Variants in PPM1L observed in about 807,000 individuals in gnomAD.
PPM1L encodes the protein protein phosphatase, Mg2+/Mn2+ dependent 1L, also known as protein phosphatase 1L.
Under a neutral mutation model 31.4 loss-of-function variants are expected in PPM1L, and 13 were observed. That is an observed-to-expected ratio of 0.41 (90% confidence interval 0.27 to 0.66). The LOEUF (loss-of-function observed/expected upper bound fraction) is 0.66. Ranked by LOEUF, PPM1L falls within the 30% of genes least tolerant of loss-of-function variation. PPM1L has a pLI of 0.29. For missense variants in PPM1L, 326 were observed against 453.7 expected (o/e 0.72, Z 2.56); for synonymous variants, 184 against 175.4 (o/e 1.05, Z -0.39).
At chr3:160,909,401 A>G (rs1713875355) in intron 1 of PPM1L, among the ~76,000 whole-genome samples, 1 of 152,168 alleles carries the variant, frequency 6.6e-6, no homozygotes, top group Admixed American at 6.5e-5. Context: ...GACAGTAGAA[A>G]AGAAAGAGCC....
chr3:160,933,855 T>A (rs1334196593), intron 1 of PPM1L, among the ~76,000 whole-genome samples: 2 of 152,216 alleles, frequency 1.3e-5, no homozygotes, highest in African/African-American at 4.8e-5. Context: ...TTTGTATTTG[T>A]GAATTTAAAA....
At chr3:161,010,312 T>G (rs1225884248) in intron 2 of PPM1L, among the ~76,000 whole-genome samples, 1 of 152,190 alleles carries the variant, frequency 6.6e-6, no homozygotes, top group Non-Finnish European at 1.5e-5. Flanking sequence ...TTCATTCATG[T>G]CCCTACAAAG....
intron 1 of PPM1L, among the ~76,000 whole-genome samples, chr3:160,927,198 C>T (rs145452800): frequency 2.6e-5 from 4 of 152,288 alleles, no homozygotes; most frequent in South Asian, 2.1e-4. Flanking sequence ...AATACACCAA[C>T]GTCAACAAAG....
Position 161,054,801 on chromosome 3 carries a change from T to C in PPM1L, c.575-10602T>C, listed in dbSNP as rs564688220. 3.9e-5 allele frequency among the ~76,000 whole-genome samples: 6 copies of C among 152,298 alleles called. No homozygotes were observed. The South Asian group carries it at 1.2e-3, about 32-fold the overall frequency. On this transcript the variant is annotated intron_variant, in intron 2 of 3. Transcript: ENST00000498165. ...AGGACTAAGTACAGAGCCTGACGCA[T>C]GGTGAATGCTCAGTATATGGCAGCT...
intron 1 of PPM1L, among the ~76,000 whole-genome samples, chr3:160,928,461 T>C (rs1046720980): frequency 2.0e-5 from 3 of 152,182 alleles, no homozygotes; most frequent in African/African-American, 7.2e-5. Flanking sequence ...GGCGTTTTTC[T>C]CTAGTATGGT....
intron 2 of PPM1L, among the ~76,000 whole-genome samples, chr3:161,014,569 G>A (rs1718018160): frequency 6.6e-6 from 1 of 151,296 alleles, no homozygotes; most frequent in Non-Finnish European, 1.5e-5. Context: ...CCGCCTCCCA[G>A]GTTCAAGCGA....
In PPM1L at chr3:161,070,094, A is replaced by G. The variant is rs1326139472; in HGVS notation, c.*937A>G. On this transcript the variant is annotated 3_prime_UTR_variant, in exon 4 of 4. Coordinates refer to ENST00000498165, the MANE Select transcript of PPM1L (RefSeq NM_139245.4). ...GTTCCCTGGCAAGTAAGCTGTTTGCATTGAGAAAGGAGTGAGCTGGTGAGG... is the reference window on the plus strand; with the variant it reads ...GTTCCCTGGCAAGTAAGCTGTTTGCGTTGAGAAAGGAGTGAGCTGGTGAGG... The G allele has an allele frequency of 6.6e-6, 1 of 152,220 alleles. No homozygotes were observed. The highest frequency in any genetic ancestry group is 1.5e-5 in the Non-Finnish European group (1 of 68,060). 9.4% of individuals were successfully genotyped at this position (152,220 alleles called of 1,614,324 possible).
chr3:160,812,252 T>G (rs1376798975), intron 1 of PPM1L, among the ~76,000 whole-genome samples: 1 of 152,200 alleles, frequency 6.6e-6, no homozygotes, highest in African/African-American at 2.4e-5. Context: ...CTTTTCTTTC[T>G]TAAATATAAT....
intron 1 of PPM1L, among the ~76,000 whole-genome samples, chr3:160,910,363 A>G (rs1713930246): frequency 7.3e-6 from 1 of 136,538 alleles, no homozygotes; most frequent in South Asian, 2.4e-4. Context: ...CCCAGTCTGG[A>G]GTGCACTGGC....
At chr3:160,888,981 T>TTG in intron 1 of PPM1L, among the ~76,000 whole-genome samples, 1 of 152,124 alleles carries the variant, frequency 6.6e-6, no homozygotes, top group South Asian at 2.1e-4. Context: ...TGTACCAAAA[T>TTG]CTCTGGGACA....
rs551467812 is a variant in PPM1L at position 160,993,252 on chromosome 3, G to C, written c.574+31342G>C. Among the ~76,000 whole-genome samples the C allele has an allele frequency of 1.1e-4, 17 of 152,272 alleles. No homozygotes were observed. In the South Asian group the frequency reaches 2.3e-3, roughly 20 times the overall value. On this transcript the variant is annotated intron_variant, in intron 2 of 3. Transcript: ENST00000498165. The stretch of plus-strand genomic sequence containing the variant: ...TAACAAAAAACTTTCTGCAGGGTAT[G>C]GCAGTCTGAGGTGATGGCCAGCATC...
At chr3:160,840,286 G>A (rs1326979344) in intron 1 of PPM1L, among the ~76,000 whole-genome samples, 2 of 152,100 alleles carry the variant, frequency 1.3e-5, no homozygotes, top group Non-Finnish European at 2.9e-5. Context: ...TCAGTTTTGG[G>A]AAATTTGTGC....
rs1553819647 is a variant in PPM1L at position 160,903,194 on chromosome 3, G to GTGTGTGTGTGTGTGTGTGTGTGTGT, written c.400-58541_400-58540insGTGTGTGTGTGTGTGTGTGTGTGTT. On this transcript the variant is annotated intron_variant, in intron 1 of 3. Coordinates refer to ENST00000498165, the MANE Select transcript of PPM1L (RefSeq NM_139245.4). The stretch of plus-strand genomic sequence containing the variant: ...GTGTGTGTGTGTGTGTGTGTGTGTG[G>GTGTGTGTGTGTGTGTGTGTGTGTGT]TATGTGTGTATGTTTGTGTGTGTGT... Among the ~76,000 whole-genome samples the GTGTGTGTGTGTGTGTGTGTGTGTGT allele has an allele frequency of 2.6e-3, 249 of 95,496 alleles. 4 individuals are homozygous for GTGTGTGTGTGTGTGTGTGTGTGTGT. The highest frequency in any genetic ancestry group is 6.2e-3 in the Middle Eastern group (1 of 162). The allele number at this position is 95,496 out of a possible 152,430, so 62.6% of individuals were successfully genotyped here.
chr3:160,770,052 T>C (rs1352644731), intron 1 of PPM1L, among the ~76,000 whole-genome samples: 1 of 152,224 alleles, frequency 6.6e-6, no homozygotes, highest in Non-Finnish European at 1.5e-5. Context: ...TTCATTATGT[T>C]TTCTCATCTG....
At chr3:160,757,600 C>T (rs1475881239) in intron 1 of PPM1L, among the ~76,000 whole-genome samples, 1 of 152,260 alleles carries the variant, frequency 6.6e-6, no homozygotes, top group Admixed American at 6.5e-5. Flanking sequence ...CTGGTCCTTG[C>T]GCATTGGCCC....
chr3:160,779,233 A>G (rs901386969), intron 1 of PPM1L, among the ~76,000 whole-genome samples: 4 of 152,192 alleles, frequency 2.6e-5, no homozygotes, highest in Non-Finnish European at 5.9e-5. Context: ...TTCTCAGTTT[A>G]CTGTGGAGAA....
intron 1 of PPM1L, among the ~76,000 whole-genome samples, chr3:160,906,255 C>G (rs1462932093): frequency 1.3e-5 from 2 of 152,114 alleles, no homozygotes; most frequent in Admixed American, 6.5e-5. Context: ...ACAACATACC[C>G]TAAAAATTAG....
At chr3:160,872,566 A>G (rs896650127) in intron 1 of PPM1L, among the ~76,000 whole-genome samples, 5 of 152,200 alleles carry the variant, frequency 3.3e-5, no homozygotes, top group African/African-American at 1.2e-4. Context: ...TTGCATTTTA[A>G]TTTATTGTTA....
At chr3:161,052,010 G>A (rs191563885) in intron 2 of PPM1L, among the ~76,000 whole-genome samples, 4 of 152,202 alleles carry the variant, frequency 2.6e-5, no homozygotes, top group African/African-American at 4.8e-5. Context: ...CTGCGGGGGC[G>A]ACCCAGAGTT....
Sources: allele counts gnomAD v4.1 joint callset (sites outside exome capture counted in the v4.1 genomes callset), GRCh38; gene constraint gnomAD v4.1.1; transcripts MANE v1.5; gene names NCBI Gene and HGNC (gene_info 2026-07-23, HGNC 2026-07-21).